SLC9A8: variants seen among roughly 807,000 people sequenced by gnomAD.
The protein encoded by SLC9A8 is sodium/hydrogen exchanger 8.
Under a neutral mutation model 66.6 loss-of-function variants are expected in SLC9A8, and 48 were observed. That is an observed-to-expected ratio of 0.72 (90% confidence interval 0.57 to 0.92). SLC9A8 has a LOEUF of 0.92. Among genes scored for constraint, SLC9A8 ranks in the 40% least tolerant of loss-of-function variants. SLC9A8 has a pLI of 0.00. For synonymous variants in SLC9A8, 274 were observed against 282.6 expected (o/e 0.97, Z 0.31); for missense variants, 599 against 747.3 (o/e 0.80, Z 2.31).
intron 5 of SLC9A8, among the ~76,000 whole-genome samples, chr20:49,849,032 A>C (rs955940801): frequency 6.6e-6 from 1 of 152,214 alleles, no homozygotes; most frequent in Non-Finnish European, 1.5e-5. Flanking sequence ...CTGTGCACTG[A>C]GAGCACAGAC....
At chr20:49,841,636 G>C (rs1308170449) in intron 4 of SLC9A8, among the ~76,000 whole-genome samples, 1 of 151,932 alleles carries the variant, frequency 6.6e-6, no homozygotes, top group African/African-American at 2.4e-5. Context: ...GGTTGTCCGG[G>C]CTAGAGTGCA....
intron 15 of SLC9A8, 41 bp from the exon 16 acceptor site, chr20:49,887,788 C>A: frequency 1.3e-6 from 2 of 1,489,898 alleles, no homozygotes; most frequent in African/African-American, 1.4e-5. Flanking sequence ...CATGGCCCTG[C>A]CCCTGACGCC....
chr20:49,814,690 T>C (rs2086480022), intron 1 of SLC9A8, among the ~76,000 whole-genome samples: 1 of 152,148 alleles, frequency 6.6e-6, no homozygotes, highest in South Asian at 2.1e-4. Context: ...CCTTGGAAAG[T>C]GATGAGACTC....
chr20:49,816,423 A>G (rs1223986056), intron 2 of SLC9A8, among the ~76,000 whole-genome samples: 1 of 152,010 alleles, frequency 6.6e-6, no homozygotes, highest in African/African-American at 2.4e-5. Context: ...CTGTCTTAAA[A>G]AAAAAAAACA....
At chr20:49,814,702 A>G (rs955896466) in intron 1 of SLC9A8, among the ~76,000 whole-genome samples, 2 of 152,216 alleles carry the variant, frequency 1.3e-5, no homozygotes, top group Non-Finnish European at 2.9e-5. Flanking sequence ...ATGAGACTCC[A>G]GTTTGCCTCC....
intron 4 of SLC9A8, among the ~76,000 whole-genome samples, chr20:49,840,610 A>G (rs1264759772): frequency 6.6e-6 from 1 of 152,188 alleles, no homozygotes. Flanking sequence ...GAAAATGTAT[A>G]TTGAGCTCTG....
chr20:49,863,998 C>G (rs1320439729), intron 9 of SLC9A8: 1 of 152,118 alleles, frequency 6.6e-6, no homozygotes, highest in African/African-American at 2.4e-5. Context: ...GACAGCTTCT[C>G]ATATTGTACC....
chr20:49,825,144 C>T (rs2086870297), intron 3 of SLC9A8, among the ~76,000 whole-genome samples: 1 of 152,012 alleles, frequency 6.6e-6, no homozygotes, highest in African/African-American at 2.4e-5. Flanking sequence ...GAGTTGATAG[C>T]CCTGAAACTT....
chr20:49,870,736 C>G (rs540781204), intron 10 of SLC9A8, among the ~76,000 whole-genome samples: 1 of 152,310 alleles, frequency 6.6e-6, no homozygotes, highest in Non-Finnish European at 1.5e-5. Context: ...GGATCATGCT[C>G]TGTTACCCAG....
chr20:49,864,331 C>T (rs1433511492), intron 9 of SLC9A8, among the ~76,000 whole-genome samples: 1 of 152,084 alleles, frequency 6.6e-6, no homozygotes, highest in Non-Finnish European at 1.5e-5. Flanking sequence ...TGATCTCATC[C>T]GATGTTGTTG....
At chr20:49,813,983 A>G (rs1004107720) in intron 1 of SLC9A8, among the ~76,000 whole-genome samples, 14 of 152,136 alleles carry the variant, frequency 9.2e-5, no homozygotes, top group African/African-American at 3.4e-4. Flanking sequence ...ATGCCCTATC[A>G]CTGTTTGTGG....
At chr20:49,855,706 C>A in intron 8 of SLC9A8, 125 bp downstream of exon 8, 1 of 864,478 alleles carries the variant, frequency 1.2e-6, no homozygotes, top group Non-Finnish European at 1.8e-6. Context: ...TCAGTTCACC[C>A]ACTCTCTTTC....
At chr20:49,829,727 A>G (rs576149351) in intron 3 of SLC9A8, 111 of 508,456 alleles carry the variant, frequency 2.2e-4, no homozygotes, top group Non-Finnish European at 4.1e-4. Context: ...GGGAAAGATC[A>G]GACGTCATCC....
intron 9 of SLC9A8, among the ~76,000 whole-genome samples, 183 bp downstream of exon 9, chr20:49,863,250 G>A (rs1052085674): frequency 6.6e-6 from 1 of 152,176 alleles, no homozygotes; most frequent in Non-Finnish European, 1.5e-5. Flanking sequence ...AATCTAACGT[G>A]AAATTTAGGA....
At chr20:49,830,206 T>C in intron 3 of SLC9A8, 2 of 816,080 alleles carry the variant, frequency 2.5e-6, no homozygotes, top group Non-Finnish European at 4.4e-6. Flanking sequence ...AGCACGGCCG[T>C]GAATGGCAGC....
chr20:49,843,156 A>G (rs2087834944), intron 4 of SLC9A8, among the ~76,000 whole-genome samples: 1 of 151,874 alleles, frequency 6.6e-6, no homozygotes, highest in Non-Finnish European at 1.5e-5. Flanking sequence ...GGGGGACACT[A>G]TATAACCCCA....
chr20:49,847,736 G>A (rs1319960399), intron 5 of SLC9A8, among the ~76,000 whole-genome samples: 1 of 152,120 alleles, frequency 6.6e-6, no homozygotes, highest in Non-Finnish European at 1.5e-5. Context: ...ATCACAGGAT[G>A]TTAATTATGT....
At chr20:49,840,217 A>G (rs2087706577) in intron 4 of SLC9A8, among the ~76,000 whole-genome samples, 1 of 152,264 alleles carries the variant, frequency 6.6e-6, no homozygotes, top group African/African-American at 2.4e-5. Context: ...CCCCGTCCTC[A>G]GTTTGCTGAT....
chr20:49,837,702 T>C (rs1343066835), intron 3 of SLC9A8, among the ~76,000 whole-genome samples: 1 of 152,086 alleles, frequency 6.6e-6, no homozygotes, highest in Non-Finnish European at 1.5e-5. Context: ...CCTGAATAGC[T>C]AGGATTAGAG....
Sources: gnomAD v4.1 joint callset for allele counts (sites outside exome capture counted in the v4.1 genomes callset) on GRCh38, gnomAD v4.1.1 for gene constraint, MANE v1.5 for transcripts, NCBI Gene and HGNC (gene_info 2026-07-23, HGNC 2026-07-21) for gene names.